PCDHA2: variants seen among roughly 807,000 people sequenced by gnomAD.
PCDHA2 encodes the protein protocadherin alpha-2.
Under a neutral mutation model 66.0 loss-of-function variants are expected in PCDHA2, and 58 were observed. That is an observed-to-expected ratio of 0.88 (90% confidence interval 0.71 to 1.09). The LOEUF (loss-of-function observed/expected upper bound fraction) is 1.09, where lower values mean the gene tolerates loss of function less well. PCDHA2 is among the 50% of genes least tolerant of loss of function. The pLI, the probability that PCDHA2 is intolerant of heterozygous loss-of-function variation, is 0.00. For missense variants in PCDHA2, 1,267 were observed against 1,242.3 expected (o/e 1.02, Z -0.30); for synonymous variants, 634 against 554.0 (o/e 1.14, Z -2.03).
At position 140,797,058 on chromosome 5, in the gene PCDHA2, G is replaced by C; in HGVS notation, c.2094G>C (p.Val698=). ...GSEATLVDVN[V]YLIIAICAVS... ...AGGCTACGCTGGTGGATGTCAACGT[G>C]TACCTGATCATCGCCATCTGCGCGG... Residue 698 remains valine (V), a synonymous_variant, in exon 1 of 4, where the codon GTG becomes GTC. Coordinates refer to ENST00000526136, the MANE Select transcript of PCDHA2 (RefSeq NM_018905.3). 6.2e-7 allele frequency: 1 copy of C among 1,613,782 alleles called. No homozygotes were observed.
chr5:140,856,495 T>G lies in PCDHA2; in HGVS notation c.2388+59143T>G, dbSNP rs1554148773. 5.0e-6 allele frequency: 8 copies of G among 1,598,330 alleles called. 1 individual carries two copies. Among genetic ancestry groups the G allele is most frequent in the African/African-American group, 2.7e-5 (2 of 74,276 alleles). ...TACCTGAATCCAGACTGCTTGACTC[T>G]CGATTTCCACTAGAAGGCGCATCTG... On this transcript the variant is annotated intron_variant, in intron 1 of 3. Transcript: ENST00000526136.
intron 1 of PCDHA2, chr5:140,867,112 T>C (rs1446733026): frequency 6.6e-6 from 1 of 152,146 alleles, no homozygotes; most frequent in Non-Finnish European, 1.5e-5. Flanking sequence ...AATTAACATA[T>C]TGTTTTAATT....
intron 1 of PCDHA2, chr5:140,824,637 T>TTC (rs1768307351): frequency 1.4e-5 from 2 of 145,312 alleles, no homozygotes; most frequent in Non-Finnish European, 2.9e-5. Context: ...TTTTTTATTT[T>TTC]CTGTAGAGAT....
rs200919454 is a variant in PCDHA2 at position 140,828,210 on chromosome 5, A to C, written c.2388+30858A>C. The C allele has an allele frequency of 4.6e-5, 74 of 1,613,938 alleles. No individual in the cohort carries two copies. The highest frequency in any genetic ancestry group is 5.9e-5 in the Non-Finnish European group (70 of 1,180,054). ...CACTACTCCGTACCCGAGGAGGCCA[A>C]ACACGGCACCTTCGTGGGCCGGATC... On this transcript the variant is annotated intron_variant, in intron 1 of 3. Coordinates refer to ENST00000526136, the MANE Select transcript of PCDHA2 (RefSeq NM_018905.3).
chr5:140,870,391 G>C, intron 1 of PCDHA2: 1 of 1,614,230 alleles, frequency 6.2e-7, no homozygotes, highest in Non-Finnish European at 8.5e-7. Flanking sequence ...GCGGGATGGG[G>C]GTTCGCCTTC....
In PCDHA2 at chr5:140,857,269, G is replaced by T. The variant is rs375802816; in HGVS notation, c.2388+59917G>T. 8.1e-6 allele frequency: 13 copies of T among 1,598,726 alleles called. 1 individual carries two copies. The highest frequency in any genetic ancestry group is 1.1e-5 in the South Asian group (1 of 90,558). On this transcript the variant is annotated intron_variant, in intron 1 of 3. Coordinates refer to ENST00000526136, the MANE Select transcript of PCDHA2 (RefSeq NM_018905.3). ...CCTACAAGAATTACTACTCATTGGT[G>T]CTGGACAGCGCTCTGGACCGCGAGA... is the stretch of plus-strand genomic sequence containing the variant.
rs2150133814 is a variant in PCDHA2 at position 140,824,269 on chromosome 5, A to G, written c.2388+26917A>G. 4 of 1,222,710 alleles carry G rather than the reference A, an allele frequency of 3.3e-6. No homozygotes were observed. The South Asian group carries it at 5.6e-5, about 17-fold the overall frequency. The allele number at this position is 1,222,710 out of a possible 1,614,324, so 75.7% of individuals were successfully genotyped here. On this transcript the variant is annotated intron_variant, in intron 1 of 3. Coordinates refer to ENST00000526136, the MANE Select transcript of PCDHA2 (RefSeq NM_018905.3). ...ACACAATTATTGCACTAATTCATGT[A>G]TTATATGCTTTTTATGAGGCTTTTC...
chr5:140,814,488 A>C (rs1214995772), intron 1 of PCDHA2: 1 of 151,974 alleles, frequency 6.6e-6, no homozygotes, highest in Non-Finnish European at 1.5e-5. Context: ...TATAAGTAGA[A>C]AGAGTACACT....
rs781787997 is a variant in PCDHA2 at position 140,796,280 on chromosome 5, C to G, written c.1316C>G (p.Thr439Ser). The G allele has an allele frequency of 1.2e-6, 2 of 1,614,126 alleles. No individual in the cohort carries two copies. Among genetic ancestry groups the G allele is most frequent in the Non-Finnish European group, 8.5e-7 (1 of 1,180,044 alleles). Residue 439 changes from threonine to serine, a missense_variant, in exon 1 of 4, where the codon ACC becomes AGC. By Grantham distance (58) the Thr-to-Ser change is moderately conservative. Transcript: ENST00000526136. ...DGGSPSLWAT[T>S]SVSIEVADVN... ...GGCTCGCCTTCACTGTGGGCCACCACCAGCGTGTCCATCGAGGTGGCCGAC... is the reference window on the plus strand; with the variant it reads ...GGCTCGCCTTCACTGTGGGCCACCAGCAGCGTGTCCATCGAGGTGGCCGAC...
chr5:140,853,497 T>C lies in PCDHA2; in HGVS notation c.2388+56145T>C, dbSNP rs1479086696. On this transcript the variant is annotated intron_variant, in intron 1 of 3. Coordinates refer to ENST00000526136, the MANE Select transcript of PCDHA2 (RefSeq NM_018905.3). Reference sequence around the variant, plus strand: ...TAACATTCCTCAATTCAAGTTAGAATCATGAAACAATAATGAAGCTCCTCC... The same window carrying C: ...TAACATTCCTCAATTCAAGTTAGAACCATGAAACAATAATGAAGCTCCTCC... The C allele has an allele frequency of 3.6e-5, 35 of 975,892 alleles. 4 individuals are homozygous for C. The highest frequency in any genetic ancestry group is 4.2e-5 in the Non-Finnish European group (34 of 808,754). The allele number at this position is 975,892 out of a possible 1,614,324, so 60.5% of individuals were successfully genotyped here.
intron 1 of PCDHA2, chr5:140,967,023 G>C: frequency 6.2e-7 from 1 of 1,608,162 alleles, no homozygotes; most frequent in Non-Finnish European, 8.5e-7. Context: ...GGTGCGCCCA[G>C]TCCGCGCTAC....
At chr5:140,800,975 C>T (rs1273258497) in intron 1 of PCDHA2, 4 of 1,271,942 alleles carry the variant, frequency 3.1e-6, no homozygotes, top group Admixed American at 3.5e-5. Flanking sequence ...GATACGTTTA[C>T]ATATTTAATA....
chr5:140,979,053 T>A (rs1429544807), intron 2 of PCDHA2, 46 bp downstream of exon 2: 3 of 1,610,104 alleles, frequency 1.9e-6, no homozygotes, highest in Admixed American at 3.4e-5. Context: ...CTTAACTTGG[T>A]ATGGCTCAGA....
At chr5:140,871,804 T>C (rs538101432) in intron 1 of PCDHA2, among the ~76,000 whole-genome samples, 75 of 152,364 alleles carry the variant, frequency 4.9e-4, no homozygotes, top group Non-Finnish European at 7.9e-4. Flanking sequence ...ATTACTATTT[T>C]CACTAAAGTA....
At chr5:140,804,667 T>A (rs1763434911) in intron 1 of PCDHA2, 1 of 158,868 alleles carries the variant, frequency 6.3e-6, no homozygotes, top group Admixed American at 6.5e-5. Flanking sequence ...ATGCAATAAG[T>A]AGAAAACTCC....
intron 1 of PCDHA2, chr5:140,878,044 G>A (rs1554170271): frequency 1.9e-6 from 1 of 516,218 alleles, no homozygotes; most frequent in Admixed American, 3.9e-5. Flanking sequence ...TGGAGGCCAT[G>A]GAGCACCACA....
rs1377468953 is a variant in PCDHA2, at chr5:140,796,402, T to C, written c.1438T>C (p.Trp480Arg). 4 of 1,613,622 alleles carry C rather than the reference T, an allele frequency of 2.5e-6. No individual in the cohort carries two copies. The highest frequency in any genetic ancestry group is 1.3e-5 in the African/African-American group (1 of 74,790). The change falls in exon 1 of 4, where the codon TGG becomes CGG. Residue 480 changes from tryptophan to arginine, a missense_variant. Transcript: ENST00000526136. ...PGCHIFTVSA[W>R]DADAQENALV... ...CTGCCACATCTTCACGGTGTCAGCG[T>C]GGGATGCGGACGCGCAGGAGAACGC... is the stretch of plus-strand genomic sequence containing the variant.
intron 1 of PCDHA2, chr5:140,835,904 C>T: frequency 1.2e-6 from 2 of 1,612,178 alleles, no homozygotes; most frequent in South Asian, 1.1e-5. Flanking sequence ...TGTCGAGCTA[C>T]GTGTCAGTGC....
chr5:140,808,844 G>T, intron 1 of PCDHA2: 1 of 1,613,174 alleles, frequency 6.2e-7, no homozygotes, highest in African/African-American at 1.3e-5. Flanking sequence ...GACGCTGCAG[G>T]TGTTCGTGCT....
Sources: gnomAD v4.1 joint callset for allele counts (sites outside exome capture counted in the v4.1 genomes callset) on GRCh38, gnomAD v4.1.1 for gene constraint, MANE v1.5 for transcripts, NCBI Gene and HGNC (gene_info 2026-07-23, HGNC 2026-07-21) for gene names.